The following PCDHGB3 variants were observed in gnomAD, a reference collection of about 807,000 sequenced individuals.
PCDHGB3 encodes protocadherin gamma subfamily B, 3.
Under a neutral mutation model 59.2 loss-of-function variants are expected in PCDHGB3, and 40 were observed. The ratio of observed to expected loss-of-function variants is 0.68; its 90% CI spans 0.52 to 0.88. The LOEUF (loss-of-function observed/expected upper bound fraction) is 0.88. PCDHGB3 is among the 40% of genes least tolerant of loss of function. The pLI, the probability that PCDHGB3 is intolerant of heterozygous loss-of-function variation, is 0.00. For missense variants in PCDHGB3, 1,309 were observed against 1,187.9 expected (o/e 1.10, Z -1.50); for synonymous variants, 581 against 503.6 (o/e 1.15, Z -2.06).
At chr5:141,389,440 A>C (rs769871337) in intron 1 of PCDHGB3, 3 of 1,610,596 alleles carry the variant, frequency 1.9e-6, no homozygotes, top group Non-Finnish European at 2.5e-6. Context: ...CGCGCCTTCG[A>C]CCACGAGCAG....
intron 1 of PCDHGB3, among the ~76,000 whole-genome samples, chr5:141,438,349 C>G (rs892834423): frequency 6.6e-6 from 1 of 151,762 alleles, no homozygotes; most frequent in Non-Finnish European, 1.5e-5. Flanking sequence ...AGGATCTACT[C>G]TGTGTATTGT....
intron 1 of PCDHGB3, among the ~76,000 whole-genome samples, chr5:141,437,983 A>G (rs544812394): frequency 4.6e-5 from 7 of 151,938 alleles, no homozygotes; most frequent in Admixed American, 2.6e-4. Context: ...GGATGCACCC[A>G]CCCCACCTCA....
intron 1 of PCDHGB3, chr5:141,414,623 C>G: frequency 6.2e-7 from 1 of 1,613,938 alleles, no homozygotes; most frequent in South Asian, 1.1e-5. Context: ...GCGCTGGACC[C>G]GGACAGCAAA....
At position 141,489,969 on chromosome 5, in the gene PCDHGB3, A is replaced by C. The variant is rs746202385; in HGVS notation, c.2416-4838A>C. On this transcript the variant is annotated intron_variant, in intron 1 of 3. Coordinates refer to ENST00000576222, the MANE Select transcript of PCDHGB3 (RefSeq NM_018924.5). This position sits in a 1 kb window ranked among gnomAD's most constrained non-coding sequence, Gnocchi z 4.5. The stretch of plus-strand genomic sequence containing the variant: ...TCAATGATAATGCTCCAACCTTCCA[A>C]TCCTCAGTTCTACGTGTGGGAATCC... 4 of 1,614,008 alleles carry C rather than the reference A, an allele frequency of 2.5e-6. No individual in the cohort carries two copies.
rs776132438 is a variant in PCDHGB3 at position 141,432,197 on chromosome 5, G to A, written c.2415+59388G>A. The A allele has an allele frequency of 2.5e-6, 4 of 1,614,112 alleles. No individual in the cohort carries two copies. The South Asian group carries it at 3.3e-5, about 13-fold the overall frequency. The stretch of plus-strand genomic sequence containing the variant: ...CGTCTCTGTGACCGCCCACGACCCC[G>A]ACTGTGAAGAGAACGCCCAGATCAC... On this transcript the variant is annotated intron_variant, in intron 1 of 3. Coordinates refer to ENST00000576222, the MANE Select transcript of PCDHGB3 (RefSeq NM_018924.5). The surrounding 1 kb of genome is among the most constrained non-coding windows in gnomAD (Gnocchi z 6.0).
At chr5:141,390,455 T>C (rs2092151799) in intron 1 of PCDHGB3, 6 of 771,128 alleles carry the variant, frequency 7.8e-6, no homozygotes, top group Non-Finnish European at 1.2e-5. Context: ...AGGAGTAAAG[T>C]AGGAGCAATT....
At chr5:141,430,261 A>T (rs1236197353) in intron 1 of PCDHGB3, among the ~76,000 whole-genome samples, 1 of 152,104 alleles carries the variant, frequency 6.6e-6, no homozygotes, top group African/African-American at 2.4e-5. Context: ...CATCTCCATA[A>T]TAGGTGTGTT....
chr5:141,372,670 A>G lies in PCDHGB3; in HGVS notation c.2276A>G (p.His759Arg), dbSNP rs1383646459. The change falls in exon 1 of 4, where the codon CAT becomes CGT. Residue 759 changes from histidine to arginine, a missense_variant. Physicochemically the swap from His to Arg is conservative, Grantham distance 29 (BLOSUM62 0). Coordinates refer to ENST00000576222, the MANE Select transcript of PCDHGB3 (RefSeq NM_018924.5). ...TCCTACAATCCGTGTGCTGCCTCAC[A>G]TTCCTCAAACACCGAGTTTAAATTT... The part of the protein sequence containing the change: ...PYSYNPCAAS[H>R]SSNTEFKFLN... 4 of 1,613,908 alleles carry G rather than the reference A, an allele frequency of 2.5e-6. No homozygotes were observed. The highest frequency in any genetic ancestry group is 3.4e-6 in the Non-Finnish European group (4 of 1,179,900).
intron 1 of PCDHGB3, among the ~76,000 whole-genome samples, chr5:141,447,749 T>G (rs1462661604): frequency 6.6e-6 from 1 of 152,196 alleles, no homozygotes; most frequent in Non-Finnish European, 1.5e-5. Context: ...GAGTCTTGCA[T>G]GTGACTGTAT....
At chr5:141,383,556 C>T (rs1365311931) in intron 1 of PCDHGB3, 1 of 1,612,766 alleles carries the variant, frequency 6.2e-7, no homozygotes, top group Non-Finnish European at 8.5e-7. Context: ...ATGGCGGCGA[C>T]CCGCCCCGAT....
chr5:141,427,638 C>A, intron 1 of PCDHGB3: 1 of 708,528 alleles, frequency 1.4e-6, no homozygotes, highest in East Asian at 2.7e-5. Context: ...GGTTTTCCAC[C>A]AAGTCTCCTA....
Position 141,491,742 on chromosome 5 carries a change from C to CA in PCDHGB3, c.2416-3064dup. The CA allele has an allele frequency of 3.1e-6, 5 of 1,596,114 alleles. No individual in the cohort carries two copies. Among genetic ancestry groups the CA allele is most frequent in the Non-Finnish European group, 4.3e-6 (5 of 1,172,424 alleles). ...CGCCCCGGGCGACCCCTGGGGGCGG[C>CA]ACTGGAGAAGCCGCCCGTCCTCATA... On this transcript the variant is annotated intron_variant, in intron 1 of 3. Coordinates refer to ENST00000576222, the MANE Select transcript of PCDHGB3 (RefSeq NM_018924.5). This position sits in a 1 kb window ranked among gnomAD's most constrained non-coding sequence, Gnocchi z 6.9.
At chr5:141,403,167 C>G (rs775617849) in intron 1 of PCDHGB3, 1 of 1,614,026 alleles carries the variant, frequency 6.2e-7, no homozygotes, top group Non-Finnish European at 8.5e-7. Flanking sequence ...AGAGGTAGGA[C>G]GCAGCTTTTC....
intron 1 of PCDHGB3, chr5:141,374,104 T>C (rs200348921): frequency 1.6e-4 from 247 of 1,570,492 alleles, no homozygotes; most frequent in African/African-American, 4.1e-5. Context: ...CGCAGAGGCA[T>C]CCGCAGCGCA....
chr5:141,506,459 A>G (rs1159808052), intron 3 of PCDHGB3, among the ~76,000 whole-genome samples: 4 of 151,918 alleles, frequency 2.6e-5, no homozygotes, highest in Non-Finnish European at 4.4e-5. Context: ...AAAAAAAAAA[A>G]AAAAAAGAGC....
rs371979287 is a variant in PCDHGB3, at chr5:141,384,185, C to A, written c.2415+11376C>A. On this transcript the variant is annotated intron_variant, in intron 1 of 3. Transcript: ENST00000576222. Reference sequence around the variant, plus strand: ...ACACTGAAAGCCACAGATGGTGGAACTCCTCCCTTGTCCAGGGAAACTCAC... The same window carrying A: ...ACACTGAAAGCCACAGATGGTGGAAATCCTCCCTTGTCCAGGGAAACTCAC... The A allele has an allele frequency of 6.2e-7, 1 of 1,613,718 alleles. No homozygotes were observed. Among genetic ancestry groups the A allele is most frequent in the Non-Finnish European group, 8.5e-7 (1 of 1,179,848 alleles).
rs1160304959 is a variant in PCDHGB3, at chr5:141,490,969, C to A, written c.2416-3838C>A. On this transcript the variant is annotated intron_variant, in intron 1 of 3. Coordinates refer to ENST00000576222, the MANE Select transcript of PCDHGB3 (RefSeq NM_018924.5). This position sits in a 1 kb window ranked among gnomAD's most constrained non-coding sequence, Gnocchi z 5.4. ...GCCAGACTGGGAACACTCAGCCCCC[C>A]AGCGTCTCCCTCGCTCTGCTCCTCC... The A allele has an allele frequency of 2.5e-6, 4 of 1,613,820 alleles. No individual in the cohort carries two copies. In the African/African-American group the frequency reaches 4.0e-5, roughly 16 times the overall value.
intron 1 of PCDHGB3, chr5:141,389,622 G>A: frequency 6.2e-7 from 1 of 1,612,970 alleles, no homozygotes; most frequent in Non-Finnish European, 8.5e-7. Flanking sequence ...GCCGCACGCT[G>A]CAGAGCCTGG....
chr5:141,372,300 G>A lies in PCDHGB3; in HGVS notation c.1906G>A (p.Glu636Lys). 2.5e-6 allele frequency: 4 copies of A among 1,613,366 alleles called. No individual in the cohort carries two copies. Among genetic ancestry groups the A allele is most frequent in the Non-Finnish European group, 3.4e-6 (4 of 1,179,900 alleles). Reference sequence around the variant, plus strand: ...CACGGCGCGTACCTTGGGCGACAGGGAGGCCGCCCGCCAGCGCCTGCTGGT... The same window carrying A: ...CACGGCGCGTACCTTGGGCGACAGGAAGGCCGCCCGCCAGCGCCTGCTGGT... ...VRTARTLGDR[E>K]AARQRLLVTV... Residue 636 changes from glutamate (E) to lysine (K), a missense_variant, in exon 1 of 4, where the codon GAG becomes AAG. Physicochemically the swap from Glu to Lys is moderately conservative, Grantham distance 56. Transcript: ENST00000576222.
Sources: allele counts gnomAD v4.1 joint callset (sites outside exome capture counted in the v4.1 genomes callset), GRCh38; gene constraint gnomAD v4.1.1; non-coding constraint Gnocchi (gnomAD v3.1); transcripts MANE v1.5; gene names NCBI Gene and HGNC (gene_info 2026-07-23, HGNC 2026-07-21).